The following CTR9 variants were observed in gnomAD, a reference collection of about 807,000 sequenced individuals.
CTR9 encodes RNA polymerase-associated protein CTR9 homolog.
CTR9 carries 41 observed loss-of-function variants against 152.1 expected under a neutral mutation model. The ratio of observed to expected loss-of-function variants is 0.27; its 90% CI spans 0.21 to 0.35. CTR9 has a LOEUF of 0.35. Ranked by LOEUF, CTR9 falls within the 10% of genes least tolerant of loss-of-function variation. The pLI, the probability that CTR9 is intolerant of heterozygous loss-of-function variation, is 1.00. For synonymous variants in CTR9, 476 were observed against 496.2 expected (o/e 0.96, Z 0.54); for missense variants, 917 against 1,424.4 (o/e 0.64, Z 5.73).
chr11:10,776,876 G>A (rs1256948290), intron 24 of CTR9, among the ~76,000 whole-genome samples: 1 of 150,144 alleles, frequency 6.7e-6, no homozygotes, highest in African/African-American at 2.5e-5. Context: ...GGGAGGCTGA[G>A]GGACAAGAAT....
Position 10,773,161 on chromosome 11 carries a change from A to G in CTR9, c.2615A>G (p.Lys872Arg), listed in dbSNP as rs1863170748. ...CGTCTCAGAGAAAAGGAAGAGCAAAAGAAACTTTTGGAACAGCGGGCCCAG... is the reference window on the plus strand; with the variant it reads ...CGTCTCAGAGAAAAGGAAGAGCAAAGGAAACTTTTGGAACAGCGGGCCCAG... ...EKRLREKEEQ[K>R]KLLEQRAQYV... is the part of the protein sequence containing the mutation. The change falls in exon 21 of 25, where the codon AAG (lysine) becomes AGG (arginine). Residue 872 changes from lysine (K) to arginine (R), a missense_variant. This residue lies in a region of CTR9 where 384 missense variants were observed against 398.4 expected (regional missense o/e 0.96). Transcript: ENST00000361367. 6.2e-7 allele frequency: 1 copy of G among 1,610,028 alleles called. No individual in the cohort carries two copies. Among genetic ancestry groups the G allele is most frequent in the South Asian group, 1.1e-5 (1 of 89,716 alleles).
intron 22 of CTR9, among the ~76,000 whole-genome samples, chr11:10,774,896 G>A (rs578124125): frequency 9.9e-5 from 15 of 151,868 alleles, no homozygotes; most frequent in East Asian, 7.7e-4. Context: ...AGGGAAAGAC[G>A]TTGAAGTCTG....
chr11:10,778,725 C>T lies in CTR9; in HGVS notation c.3142C>T (p.Gln1048Ter). The T allele has an allele frequency of 6.2e-7, 1 of 1,614,036 alleles. No individual in the cohort carries two copies. Among genetic ancestry groups the T allele is most frequent in the Non-Finnish European group, 8.5e-7 (1 of 1,179,942 alleles). Residue 1048 changes from glutamine to a stop codon, truncating the protein, a stop_gained, in exon 25 of 25, where the codon CAA becomes TAA. Transcript: ENST00000361367. LOFTEE classifies it high-confidence loss of function. Reference sequence around the variant, plus strand: ...CAACAGTGACTCAGACGAGGACGAACAACGAAAGAAATGTGCCTCATCAGA... The same window carrying T: ...CAACAGTGACTCAGACGAGGACGAATAACGAAAGAAATGTGCCTCATCAGA... The part of the protein sequence containing the change: ...NSNSDSDEDE[Q>*]RKKCASSESD...
At chr11:10,766,298 A>C (rs970718663) in intron 12 of CTR9, 104 bp from the exon 13 acceptor site, 3 of 789,924 alleles carry the variant, frequency 3.8e-6, no homozygotes, top group Admixed American at 2.7e-5. Context: ...TGTTCCTTTT[A>C]TGGCGGTATT....
In CTR9 at chr11:10,764,440, G is replaced by A. The variant is rs762141614; in HGVS notation, c.1413+4G>A. ...TGGAAACCTAGGGGAGGCTAAGGTA[G>A]GAAAATAGAAATATTTCCTTCTTTT... On this transcript the variant is annotated splice_donor_region_variant and intron_variant, in intron 11 of 24. Transcript: ENST00000361367. The A allele has an allele frequency of 7.5e-6, 12 of 1,609,766 alleles. No individual in the cohort carries two copies. The East Asian group carries it at 2.5e-4, about 33-fold the overall frequency.
At position 10,764,194 on chromosome 11, in the gene CTR9, A is replaced by C; in HGVS notation, c.1277A>C (p.Asp426Ala). 6.2e-7 allele frequency: 1 copy of C among 1,613,970 alleles called. No individual in the cohort carries two copies. Among genetic ancestry groups the C allele is most frequent in the Non-Finnish European group, 8.5e-7 (1 of 1,179,818 alleles). Reference protein sequence around the residue: ...IELAQILEQTDIQGALSAYGT... With the variant: ...IELAQILEQTAIQGALSAYGT... ...TTGGCACAAATCTTAGAACAGACTG[A>C]TATACAGGTATTTTAGTAATGTTTT... The change falls in exon 10 of 25, where the codon GAT becomes GCT. Residue 426 changes from aspartate (D) to alanine (A), a missense_variant. Asp to Ala is a moderately radical substitution (Grantham distance 126). This residue lies in a region of CTR9 where 133 missense variants were observed against 244.1 expected (regional missense o/e 0.54). Transcript: ENST00000361367.
At chr11:10,768,190 A>T in intron 15 of CTR9, 29 bp downstream of exon 15, 1 of 1,597,192 alleles carries the variant, frequency 6.3e-7, no homozygotes, top group Admixed American at 1.7e-5. Context: ...TACCCATAAC[A>T]ATTTGTTTCA....
rs773878713 is a variant in CTR9, at chr11:10,766,394, G to A, written c.1598-8G>A. Reference sequence around the variant, plus strand: ...TTGGGATATAAAAACTTTTAAATATGTTTTCAGGCTATTTGCGCCTAGGAG... The same window carrying A: ...TTGGGATATAAAAACTTTTAAATATATTTTCAGGCTATTTGCGCCTAGGAG... On this transcript the variant is annotated splice_polypyrimidine_tract_variant and splice_region_variant and intron_variant, in intron 12 of 24. Coordinates refer to ENST00000361367, the MANE Select transcript of CTR9 (RefSeq NM_014633.5). 4.4e-6 allele frequency: 7 copies of A among 1,595,980 alleles called. No homozygotes were observed. Among genetic ancestry groups the A allele is most frequent in the Non-Finnish European group, 6.0e-6 (7 of 1,172,178 alleles).
At chr11:10,775,725 TTTTC>T (rs1313530243) in intron 24 of CTR9, 92 bp downstream of exon 24, 3 of 674,918 alleles carry the variant, frequency 4.4e-6, no homozygotes, top group African/African-American at 4.2e-5. Context: ...AAAAATATAC[TTTTC>T]TTTCTTTTTC....
intron 24 of CTR9, 43 bp downstream of exon 24, chr11:10,775,676 A>G (rs1863221611): frequency 7.6e-7 from 1 of 1,316,070 alleles, no homozygotes; most frequent in South Asian, 1.3e-5. Context: ...TGATGTAGAT[A>G]AATCAAAAGT....
At chr11:10,769,134 A>G (rs1863103717) in intron 16 of CTR9, among the ~76,000 whole-genome samples, 1 of 152,160 alleles carries the variant, frequency 6.6e-6, no homozygotes, top group Non-Finnish European at 1.5e-5. Flanking sequence ...AAACAGGAGA[A>G]TTGCTTGAAC....
chr11:10,775,693 T>C, intron 24 of CTR9, 60 bp downstream of exon 24: 3 of 1,120,926 alleles, frequency 2.7e-6, no homozygotes, highest in East Asian at 2.5e-5. Context: ...AAGTGATTAC[T>C]AATCAGCCTG....
chr11:10,767,289 T>C lies in CTR9; in HGVS notation c.1687-517T>C, dbSNP rs1863075464. ...GGGTATTTGCAATACCAAATATAGT[T>C]TAGTATTTTTGCCTGTTAGTGATGG... On this transcript the variant is annotated intron_variant, in intron 13 of 24. Transcript: ENST00000361367. This position sits in a 1 kb window ranked among gnomAD's most constrained non-coding sequence, Gnocchi z 4.0. 1 of 154,720 alleles carries C rather than the reference T, an allele frequency of 6.5e-6. No homozygotes were observed. Among genetic ancestry groups the C allele is most frequent in the Non-Finnish European group, 1.4e-5 (1 of 69,412 alleles). The allele number at this position is 154,720 out of a possible 1,614,324, so 9.6% of individuals were successfully genotyped here. A position where few individuals can be genotyped will look rare whatever the true frequency, so the allele number is the denominator to read the frequency against.
chr11:10,755,999 G>A (rs1165371334), intron 4 of CTR9, among the ~76,000 whole-genome samples: 1 of 152,114 alleles, frequency 6.6e-6, no homozygotes, highest in East Asian at 1.9e-4. Context: ...TTATTATTTA[G>A]GCCAGGCATG....
intron 7 of CTR9, among the ~76,000 whole-genome samples, chr11:10,763,163 C>G (rs1248633729): frequency 1.4e-5 from 2 of 146,668 alleles, no homozygotes; most frequent in Non-Finnish European, 3.0e-5. Flanking sequence ...GAGTATGTTT[C>G]TACAGCCAGA....
chr11:10,774,098 A>C lies in CTR9; in HGVS notation c.2814A>C (p.Arg938Ser). The change falls in exon 22 of 25, where the codon AGA becomes AGC. Residue 938 changes from arginine to serine, a missense_variant. Physicochemically the swap from Arg to Ser is moderately radical, Grantham distance 110 (BLOSUM62 -1). Transcript: ENST00000361367. ...CTATATCCAAAAAGAAGAAGAGAAG[A>C]AAGGGTAGTGGCAGTGAACAAGAAG... ...DLPISKKKKR[R>S]KGSGSEQEGE... 1 of 1,610,094 alleles carries C rather than the reference A, an allele frequency of 6.2e-7. No homozygotes were observed. The highest frequency in any genetic ancestry group is 8.5e-7 in the Non-Finnish European group (1 of 1,176,336).
intron 5 of CTR9, 111 bp downstream of exon 5, chr11:10,756,949 A>G: frequency 1.2e-6 from 1 of 838,296 alleles, no homozygotes; most frequent in Non-Finnish European, 1.9e-6. Flanking sequence ...GATTATAGAA[A>G]TGTCAGAATC....
intron 5 of CTR9, among the ~76,000 whole-genome samples, chr11:10,759,573 A>C (rs755777506): frequency 6.6e-6 from 1 of 152,214 alleles, no homozygotes; most frequent in Non-Finnish European, 1.5e-5. Context: ...ATATAGAATC[A>C]AGAGAGGATT....
intron 1 of CTR9, 21 bp downstream of exon 1, chr11:10,751,478 C>G (rs768708388): frequency 2.5e-5 from 40 of 1,611,508 alleles, no homozygotes; most frequent in Non-Finnish European, 3.3e-5. Context: ...TGTATGGAGG[C>G]GGGTGGGGGC....
Sources: gnomAD v4.1 joint callset for allele counts (sites outside exome capture counted in the v4.1 genomes callset) on GRCh38, gnomAD v4.1.1 for gene constraint, gnomAD v4.1.1 regional missense constraint, Gnocchi (gnomAD v3.1) non-coding constraint, MANE v1.5 for transcripts, NCBI Gene and HGNC (gene_info 2026-07-23, HGNC 2026-07-21) for gene names.